Variants in DOK6 observed in about 807,000 individuals in gnomAD.
DOK6 encodes the protein docking protein 6.
DOK6 carries 22 observed loss-of-function variants against 44.0 expected under a neutral mutation model. That is an observed-to-expected ratio of 0.50 (90% CI 0.36 to 0.71). The LOEUF is 0.71. DOK6 is among the 30% of genes least tolerant of loss of function. DOK6 has a pLI of 0.00. For synonymous variants in DOK6, 166 were observed against 145.5 expected (o/e 1.14, Z -1.01); for missense variants, 340 against 416.4 (o/e 0.82, Z 1.60).
chr18:69,437,052 A>G (rs533758640), intron 1 of DOK6, among the ~76,000 whole-genome samples: 28 of 152,250 alleles, frequency 1.8e-4, no homozygotes, highest in African/African-American at 6.0e-4. Context: ...GATTCTGGAT[A>G]TTAGTCCTTT....
chr18:69,669,677 CG>C (rs1568328326), intron 3 of DOK6, among the ~76,000 whole-genome samples: 2 of 152,246 alleles, frequency 1.3e-5, no homozygotes, highest in Admixed American at 6.5e-5. Context: ...CGCACCCCCC[CG>C]CCGACCCTCC....
chr18:69,736,367 A>G (rs1978607710), intron 5 of DOK6, among the ~76,000 whole-genome samples: 1 of 152,170 alleles, frequency 6.6e-6, no homozygotes. Flanking sequence ...AGTTCTGTTT[A>G]CCTCTTAGAA....
chr18:69,428,910 G>A (rs1392468198), intron 1 of DOK6, among the ~76,000 whole-genome samples: 1 of 152,190 alleles, frequency 6.6e-6, no homozygotes. Flanking sequence ...GTTTATTAGT[G>A]TTTCCTTATA....
intron 1 of DOK6, among the ~76,000 whole-genome samples, chr18:69,468,810 A>G (rs1004278487): frequency 1.3e-5 from 2 of 152,230 alleles, no homozygotes; most frequent in African/African-American, 4.8e-5. Flanking sequence ...AAGATGGACT[A>G]GAGCAGAAAG....
At position 69,507,704 on chromosome 18, in the gene DOK6, TAA is replaced by T. The variant is rs549620607; in HGVS notation, c.67-56782_67-56781del. 7.9e-5 allele frequency among the ~76,000 whole-genome samples: 12 copies of T among 152,304 alleles called. No individual in the cohort carries two copies. In the South Asian group the frequency reaches 2.5e-3, roughly 32 times the overall value. ...GATCTTCATTGTTTATATATATAAA[TAA>T]GTTGCTTTTTTTAACCCTTGTATGA... is the stretch of plus-strand genomic sequence containing the variant. On this transcript the variant is annotated intron_variant, in intron 1 of 7. Coordinates refer to ENST00000382713, the MANE Select transcript of DOK6 (RefSeq NM_152721.6).
chr18:69,409,094 G>A (rs1599117061), intron 1 of DOK6, among the ~76,000 whole-genome samples: 1 of 152,002 alleles, frequency 6.6e-6, no homozygotes, highest in Non-Finnish European at 1.5e-5. Flanking sequence ...TGCTGTTCTC[G>A]AGATAGTGAG....
intron 3 of DOK6, among the ~76,000 whole-genome samples, chr18:69,648,885 CATT>C (rs1718934954): frequency 6.6e-6 from 1 of 152,186 alleles, no homozygotes; most frequent in South Asian, 2.1e-4. Flanking sequence ...TTCAGATGTA[CATT>C]ATGTTAAACA....
At chr18:69,417,949 T>G (rs114432194) in intron 1 of DOK6, among the ~76,000 whole-genome samples, 8,145 of 152,256 alleles carry the variant, frequency 0.053, 249 homozygotes, top group Middle Eastern at 0.12. Context: ...ATGTATCCCG[T>G]TTATTAACCC....
chr18:69,726,297 C>T (rs1599288811), intron 5 of DOK6, among the ~76,000 whole-genome samples: 2 of 152,142 alleles, frequency 1.3e-5, no homozygotes, highest in African/African-American at 4.8e-5. Flanking sequence ...TGGACTCAAT[C>T]CTTGTTGATT....
intron 1 of DOK6, among the ~76,000 whole-genome samples, chr18:69,512,764 A>G (rs1482511455): frequency 6.6e-6 from 1 of 152,184 alleles, no homozygotes; most frequent in Admixed American, 6.5e-5. Context: ...TGATAAATCA[A>G]TCAATATCTC....
At chr18:69,659,000 G>A (rs1385876233) in intron 3 of DOK6, among the ~76,000 whole-genome samples, 6 of 152,248 alleles carry the variant, frequency 3.9e-5, no homozygotes. Context: ...TTTCTACTTC[G>A]AATATTTGAA....
chr18:69,408,653 G>A (rs912906401), intron 1 of DOK6, among the ~76,000 whole-genome samples: 2 of 152,136 alleles, frequency 1.3e-5, no homozygotes, highest in African/African-American at 2.4e-5. Flanking sequence ...TACAAAAACT[G>A]TACAGATTAA....
intron 1 of DOK6, among the ~76,000 whole-genome samples, chr18:69,473,374 CA>C (rs1980170171): frequency 6.6e-6 from 1 of 152,112 alleles, no homozygotes; most frequent in South Asian, 2.1e-4. Context: ...ACTTAAATAT[CA>C]AAAAGATGTT....
intron 7 of DOK6, among the ~76,000 whole-genome samples, chr18:69,793,554 G>A (rs775449430): frequency 2.6e-5 from 4 of 152,022 alleles, no homozygotes; most frequent in Admixed American, 1.3e-4. Context: ...ACAAAATAAT[G>A]TTTTATTTTA....
chr18:69,811,652 T>C (rs183701051), intron 7 of DOK6, among the ~76,000 whole-genome samples: 4 of 151,018 alleles, frequency 2.6e-5, no homozygotes, highest in Admixed American at 2.6e-4. Flanking sequence ...TAAAAAGATA[T>C]GTAAGTGCCA....
chr18:69,721,134 T>C (rs1978288217), intron 5 of DOK6, among the ~76,000 whole-genome samples: 1 of 152,206 alleles, frequency 6.6e-6, no homozygotes. Flanking sequence ...AAATGTTAGA[T>C]GAAAGGTTCC....
chr18:69,793,878 G>T (rs1008980711), intron 7 of DOK6, among the ~76,000 whole-genome samples: 1 of 151,888 alleles, frequency 6.6e-6, no homozygotes, highest in Non-Finnish European at 1.5e-5. Flanking sequence ...TAGGACAAAA[G>T]CCCAATGGGA....
At chr18:69,811,257 T>C (rs1981215510) in intron 7 of DOK6, among the ~76,000 whole-genome samples, 2 of 151,890 alleles carry the variant, frequency 1.3e-5, no homozygotes, top group African/African-American at 4.8e-5. Context: ...CTTAAAAAGT[T>C]GAACCCACAG....
At chr18:69,650,513 A>T (rs1487358884) in intron 3 of DOK6, among the ~76,000 whole-genome samples, 2 of 152,218 alleles carry the variant, frequency 1.3e-5, no homozygotes, top group Non-Finnish European at 2.9e-5. Flanking sequence ...TTTCATAAGA[A>T]ATAAAACTGA....
Sources: allele counts gnomAD v4.1 joint callset (sites outside exome capture counted in the v4.1 genomes callset), GRCh38; gene constraint gnomAD v4.1.1; transcripts MANE v1.5; gene names NCBI Gene and HGNC (gene_info 2026-07-23, HGNC 2026-07-21).